The following PCSK6 variants were observed in gnomAD, a reference collection of about 807,000 sequenced individuals.
The protein encoded by PCSK6 is proprotein convertase subtilisin/kexin type 6, also known as paired basic amino acid cleaving enzyme 4.
In PCSK6, 85 loss-of-function variants were observed where a neutral mutation model predicts 123.3. That is an observed-to-expected ratio of 0.69 (90% CI 0.58 to 0.83). The LOEUF is 0.83. Among genes scored for constraint, PCSK6 ranks in the 40% least tolerant of loss-of-function variants. PCSK6 has a pLI of 0.00. For synonymous variants in PCSK6, 508 were observed against 516.0 expected (o/e 0.98, Z 0.21); for missense variants, 1,191 against 1,282.3 (o/e 0.93, Z 1.09).
intron 13 of PCSK6, among the ~76,000 whole-genome samples, chr15:101,343,215 GT>G (rs145436809): frequency 6.6e-6 from 1 of 151,942 alleles, no homozygotes; most frequent in African/African-American, 2.4e-5. Flanking sequence ...ATAATCATGC[GT>G]TTTTCTTTCC....
At position 101,371,869 on chromosome 15, in the gene PCSK6, C is replaced by G. The variant is rs533414848; in HGVS notation, c.1533-1346G>C. ...AAATCTCCTGCAGAAAGCAGGGTCCCCTCACTTTCCTGCCCTGTCATGGAA... is the reference window on the plus strand; with the variant it reads ...AAATCTCCTGCAGAAAGCAGGGTCCGCTCACTTTCCTGCCCTGTCATGGAA... On this transcript the variant is annotated intron_variant, in intron 11 of 21. Transcript: ENST00000611716. Among the ~76,000 whole-genome samples, 5 of 152,280 alleles carry G rather than the reference C, an allele frequency of 3.3e-5. No individual in the cohort carries two copies. In the East Asian group the frequency reaches 9.6e-4, roughly 29 times the overall value.
intron 2 of PCSK6, among the ~76,000 whole-genome samples, chr15:101,432,486 G>A (rs1384723610): frequency 6.6e-6 from 1 of 150,534 alleles, no homozygotes; most frequent in Non-Finnish European, 1.5e-5. Flanking sequence ...AAATCTAGCT[G>A]GGCATGATGG....
chr15:101,463,199 G>C (rs73483183), intron 1 of PCSK6: 1 of 440,500 alleles, frequency 2.3e-6, no homozygotes, highest in Non-Finnish European at 4.6e-6. Flanking sequence ...TTTGCCCTCT[G>C]ACTGTGGGTC....
chr15:101,348,174 G>GGCCT (rs1555447644), intron 13 of PCSK6, among the ~76,000 whole-genome samples: 1 of 151,882 alleles, frequency 6.6e-6, no homozygotes, highest in Non-Finnish European at 1.5e-5. Flanking sequence ...GGGTCGGACC[G>GGCCT]GCCCCTGCGC....
intron 13 of PCSK6, chr15:101,346,550 G>A (rs7175368): frequency 0.7 from 200,338 of 287,856 alleles, 70,036 homozygotes; most frequent in East Asian, 0.81. Context: ...TCTGGAAATA[G>A]GTAATAAAGT....
At chr15:101,369,394 T>C (rs2955967) in intron 12 of PCSK6, among the ~76,000 whole-genome samples, 66,127 of 152,128 alleles carry the variant, frequency 0.43, 16,248 homozygotes, top group African/African-American at 0.64. Flanking sequence ...CCCTATAGCC[T>C]ACACAAGGGC....
chr15:101,304,005 A>G lies in PCSK6; in HGVS notation c.*1253T>C, dbSNP rs2039670578. 6.6e-6 allele frequency: 1 copy of G among 152,592 alleles called. No homozygotes were observed. The highest frequency in any genetic ancestry group is 2.1e-4 in the South Asian group (1 of 4,826). The allele number at this position is 152,592 out of a possible 1,614,324, so 9.5% of individuals were successfully genotyped here. On this transcript the variant is annotated 3_prime_UTR_variant, in exon 22 of 22. Transcript: ENST00000611716. ...TCATTGATTTCTCTTTCAGAGTTGTAGATTCAATAAACAACATCTGGGTTC... is the reference window on the plus strand; with the variant it reads ...TCATTGATTTCTCTTTCAGAGTTGTGGATTCAATAAACAACATCTGGGTTC...
chr15:101,370,646 G>A, intron 11 of PCSK6, 123 bp from the exon 12 acceptor site: 2 of 846,502 alleles, frequency 2.4e-6, no homozygotes, highest in Non-Finnish European at 3.3e-6. Flanking sequence ...GCGGGCCCCG[G>A]GGAGCCGCAG....
chr15:101,343,971 G>A (rs1182064056), intron 13 of PCSK6, among the ~76,000 whole-genome samples: 1 of 152,100 alleles, frequency 6.6e-6, no homozygotes, highest in African/African-American at 2.4e-5. Flanking sequence ...AGCTACTCAG[G>A]AGGCTGAGGC....
intron 13 of PCSK6, among the ~76,000 whole-genome samples, chr15:101,359,957 C>A (rs1242900133): frequency 6.6e-6 from 1 of 152,154 alleles, no homozygotes; most frequent in Non-Finnish European, 1.5e-5. Context: ...TTTAACCCAC[C>A]CAAATCCAAG....
chr15:101,399,730 C>T (rs1404774860), intron 6 of PCSK6, among the ~76,000 whole-genome samples: 2 of 152,112 alleles, frequency 1.3e-5, no homozygotes, highest in Non-Finnish European at 2.9e-5. Context: ...CTAGTAGATA[C>T]AGAAAGTCGA....
chr15:101,347,301 T>C, intron 13 of PCSK6: 1 of 1,233,696 alleles, frequency 8.1e-7, no homozygotes, highest in Non-Finnish European at 1.0e-6. Context: ...GAGATGTCAA[T>C]AAAACACAGA....
intron 6 of PCSK6, among the ~76,000 whole-genome samples, chr15:101,427,581 G>A (rs541667667): frequency 3.3e-5 from 5 of 152,358 alleles, no homozygotes; most frequent in Admixed American, 6.5e-5. Flanking sequence ...TATGGGCAGC[G>A]GGGAATCAAC....
At chr15:101,363,180 T>G (rs539325417) in intron 13 of PCSK6, among the ~76,000 whole-genome samples, 1 of 152,180 alleles carries the variant, frequency 6.6e-6, no homozygotes, top group East Asian at 1.9e-4. Flanking sequence ...GTGAGATGCA[T>G]GAGAAAGGCT....
At chr15:101,339,026 G>A (rs1427133997) in intron 13 of PCSK6, among the ~76,000 whole-genome samples, 2 of 152,208 alleles carry the variant, frequency 1.3e-5, no homozygotes, top group Non-Finnish European at 2.9e-5. Flanking sequence ...CCAGAATTAA[G>A]GGGAGACTAT....
At chr15:101,366,103 G>C in intron 13 of PCSK6, 93 bp downstream of exon 13, 1 of 1,309,254 alleles carries the variant, frequency 7.6e-7, no homozygotes. Context: ...ACAAAACAAA[G>C]AATTATCAGA....
chr15:101,487,011 C>G (rs2058035214), intron 1 of PCSK6, among the ~76,000 whole-genome samples: 1 of 152,216 alleles, frequency 6.6e-6, no homozygotes, highest in Admixed American at 6.5e-5. Flanking sequence ...TAAGTCAAAG[C>G]TAATAATATC....
At chr15:101,336,526 T>C (rs1366934721) in intron 13 of PCSK6, among the ~76,000 whole-genome samples, 1 of 152,246 alleles carries the variant, frequency 6.6e-6, no homozygotes, top group African/African-American at 2.4e-5. Context: ...TAACGTCGCA[T>C]TTCTCTCATT....
At chr15:101,379,702 G>A (rs1402105753) in intron 11 of PCSK6, among the ~76,000 whole-genome samples, 1 of 152,224 alleles carries the variant, frequency 6.6e-6, no homozygotes, top group Admixed American at 6.5e-5. Context: ...GCAGTTAGAA[G>A]AAGACGGGAA....
Sources: gnomAD v4.1 joint callset for allele counts (sites outside exome capture counted in the v4.1 genomes callset) on GRCh38, gnomAD v4.1.1 for gene constraint, MANE v1.5 for transcripts, NCBI Gene and HGNC (gene_info 2026-07-23, HGNC 2026-07-21) for gene names.